Variants in MYO15B observed in about 807,000 individuals in gnomAD.
MYO15B encodes the protein myosin XVB.
MYO15B carries 207 observed loss-of-function variants against 119.3 expected under a neutral mutation model. That is an observed-to-expected ratio of 1.73 (90% confidence interval 1.55 to 1.95). The LOEUF is 1.95. MYO15B is among the 30% of genes most tolerant of loss of function. The pLI is 0.00. For synonymous variants in MYO15B, 966 were observed against 498.9 expected (o/e 1.94, Z -12.48); for missense variants, 2,264 against 1,203.1 (o/e 1.88, Z -13.04).
At chr17:75,620,794 C>T in intron 49 of MYO15B, 158 bp downstream of exon 49, 1 of 701,696 alleles carries the variant, frequency 1.4e-6, no homozygotes, top group Non-Finnish European at 2.6e-6. Context: ...CTCGCCTTGT[C>T]TCTCCAGCAA....
chr17:75,592,491 C>T (rs988991417), exon 8 of MYO15B: 58 of 608,664 alleles, frequency 9.5e-5, no homozygotes, highest in African/African-American at 5.5e-5. Flanking sequence ...CTCCATAGAG[C>T]GGGAGCGGCT....
chr17:75,617,576 A>AC (rs1568206631), intron 41 of MYO15B: 48 of 502,210 alleles, frequency 9.6e-5, no homozygotes, highest in Non-Finnish European at 1.4e-4. Context: ...TGAGGAAGTT[A>AC]GTGGCCCTGG....
At position 75,615,699 on chromosome 17, in the gene MYO15B, C is replaced by T. The variant is rs987569819; in HGVS notation, c.5845C>T (p.Gln1949Ter). ...GCTGCTCCTCCTGCTTCAGGCCCAG[C>T]AGATGACAGCCCAGGCCATGTCCCT... The change falls in exon 36 of 64, where the codon CAG becomes TAG. Residue 1949 changes from glutamine (Q) to a stop codon, truncating the protein, a stop_gained. Transcript: ENST00000645453. LOFTEE classifies it high-confidence loss of function. The T allele has an allele frequency of 1.5e-6, 1 of 681,446 alleles. No individual in the cohort carries two copies. 42.2% of individuals were successfully genotyped at this position (681,446 alleles called of 1,614,324 possible).
exon 7 of MYO15B, chr17:75,592,240 G>T: frequency 1.4e-6 from 1 of 702,838 alleles, no homozygotes; most frequent in Non-Finnish European, 2.6e-6. Flanking sequence ...GCCCACAGAG[G>T]GGTCATCGTG....
chr17:75,614,235 A>G, exon 30 of MYO15B: 1 of 701,764 alleles, frequency 1.4e-6, no homozygotes. Context: ...GGTCTGTGTC[A>G]CTGCACTCCA....
rs1348398969 is a variant in MYO15B, at chr17:75,624,081, G to A, written c.8272+17G>A. The A allele has an allele frequency of 7.1e-6, 5 of 703,046 alleles. No individual in the cohort carries two copies. The Admixed American group carries it at 1.0e-4, about 14-fold the overall frequency. 43.6% of individuals were successfully genotyped at this position (703,046 alleles called of 1,614,324 possible). A position where few individuals can be genotyped will look rare whatever the true frequency, so the allele number is the denominator to read the frequency against. On this transcript the variant is annotated intron_variant, in intron 55 of 63. Coordinates refer to ENST00000645453, the Ensembl canonical transcript of MYO15B. ...CCAGCCAAGGTGCCCGTGGGAAGGG[G>A]AGATGGAGGAGAGGCAGGGGTTTCT...
chr17:75,593,111 G>T, intron 9 of MYO15B: 1 of 286,740 alleles, frequency 3.5e-6, no homozygotes, highest in Non-Finnish European at 6.4e-6. Context: ...TGTGATCCCA[G>T]CACTTTGGGA....
chr17:75,589,119 G>A lies in MYO15B; in HGVS notation c.1062G>A (p.Gln354=), dbSNP rs1478773065. The stretch of plus-strand genomic sequence containing the variant: ...GGCCCCCGCCAGGCGCCGCTTCCCA[G>A]GCCGTGGGCCCCCGCCGCGCTGGCC... The change falls in exon 1 of 64, where the codon CAG becomes CAA. Residue 354 remains glutamine, a synonymous_variant. Transcript: ENST00000645453. The surrounding 1 kb of genome is among the most constrained non-coding windows in gnomAD (Gnocchi z 4.2). The A allele has an allele frequency of 2.6e-6, 1 of 391,722 alleles. No individual in the cohort carries two copies. The highest frequency in any genetic ancestry group is 4.5e-6 in the Non-Finnish European group (1 of 221,650). 24.3% of individuals were successfully genotyped at this position (391,722 alleles called of 1,614,324 possible). A position where few individuals can be genotyped will look rare whatever the true frequency, so the allele number is the denominator to read the frequency against.
At chr17:75,588,191 C>T (rs1167104058) in exon 1 of MYO15B, 3 of 397,890 alleles carry the variant, frequency 7.5e-6, no homozygotes, top group African/African-American at 4.1e-5. Flanking sequence ...CGCGGGCAGG[C>T]GGACAGGGCG....
At chr17:75,617,784 G>C in intron 41 of MYO15B, 26 bp from the exon 42 acceptor site, 1 of 692,066 alleles carries the variant, frequency 1.4e-6, no homozygotes, top group East Asian at 2.7e-5. Flanking sequence ...CCTCACTGAG[G>C]CTCCTCACCC....
chr17:75,611,853 G>A (rs3743992), intron 24 of MYO15B, 33 bp from the exon 25 acceptor site: 47,599 of 702,240 alleles, frequency 0.068, 1,848 homozygotes, highest in South Asian at 0.079. Flanking sequence ...ACACCTGGAT[G>A]CTCCTGGGCT....
intron 25 of MYO15B, 79 bp from the exon 26 acceptor site, chr17:75,612,719 G>A (rs1042402638): frequency 3.2e-5 from 22 of 689,808 alleles, no homozygotes; most frequent in Non-Finnish European, 5.0e-5. Flanking sequence ...TGCCTCTCCC[G>A]AGGTGCCTGC....
At chr17:75,625,038 CA>C in intron 59 of MYO15B, 84 bp from the exon 60 acceptor site, 2 of 656,998 alleles carry the variant, frequency 3.0e-6, no homozygotes, top group Non-Finnish European at 5.6e-6. Context: ...GTGACAGTGG[CA>C]AAAGGAGGCT....
At chr17:75,607,275 A>G (rs928092511) in intron 21 of MYO15B, 21 of 318,778 alleles carry the variant, frequency 6.6e-5, no homozygotes, top group Non-Finnish European at 5.7e-6. Context: ...TTGAGTCTCT[A>G]TGAAGTTGCC....
At chr17:75,616,318 C>T (rs912181617) in exon 38 of MYO15B, 4 of 605,346 alleles carry the variant, frequency 6.6e-6, no homozygotes, top group East Asian at 2.7e-5. Context: ...GCAGGGCAGC[C>T]ACAGATCACA....
At chr17:75,602,847 C>T in exon 17 of MYO15B, 1 of 636,882 alleles carries the variant, frequency 1.6e-6, no homozygotes, top group Non-Finnish European at 2.8e-6. Flanking sequence ...GCAGCCTGTT[C>T]CAGGAGGCAG....
intron 22 of MYO15B, 26 bp downstream of exon 22, chr17:75,610,285 C>A: frequency 2.9e-6 from 2 of 679,546 alleles, no homozygotes; most frequent in Admixed American, 2.1e-5. Flanking sequence ...TGGGGCGGTT[C>A]AGGGTAGAAG....
intron 22 of MYO15B, 119 bp from the exon 23 acceptor site, chr17:75,610,781 C>T: frequency 1.5e-6 from 1 of 681,104 alleles, no homozygotes. Flanking sequence ...GATCTGTTCT[C>T]ACTCCTTTGC....
exon 6 of MYO15B, chr17:75,592,011 G>A: frequency 1.4e-6 from 1 of 702,778 alleles, no homozygotes; most frequent in Non-Finnish European, 2.6e-6. Flanking sequence ...AGCAGCTTTG[G>A]CCATGCCAAG....
Sources: gnomAD v4.1 joint callset for allele counts on GRCh38, gnomAD v4.1.1 for gene constraint, Gnocchi (gnomAD v3.1) non-coding constraint, MANE v1.5 for transcripts, NCBI Gene and HGNC (gene_info 2026-07-23, HGNC 2026-07-21) for gene names.